Variants in AKAP13 observed in about 807,000 individuals in gnomAD.
AKAP13 encodes the protein A-kinase anchoring protein 13.
A neutral mutation model predicts 264.5 loss-of-function variants in AKAP13; 80 were observed. The observed-to-expected ratio is 0.30, with a 90% CI of 0.25 to 0.36. The LOEUF (loss-of-function observed/expected upper bound fraction) is 0.36. Ranked by LOEUF, AKAP13 falls within the 10% of genes least tolerant of loss-of-function variation. The pLI is 1.00. For synonymous variants in AKAP13, 1,380 were observed against 1,250.2 expected (o/e 1.10, Z -2.19); for missense variants, 3,712 against 3,435.2 (o/e 1.08, Z -2.01).
At chr15:85,737,802 T>C (rs913395557) in intron 33 of AKAP13, among the ~76,000 whole-genome samples, 2 of 152,062 alleles carry the variant, frequency 1.3e-5, no homozygotes, top group East Asian at 3.9e-4. Context: ...CATACCTGGC[T>C]AATTTTTTTG....
At chr15:85,710,994 G>T (rs2086603733) in intron 19 of AKAP13, among the ~76,000 whole-genome samples, 1 of 149,508 alleles carries the variant, frequency 6.7e-6, no homozygotes, top group Admixed American at 6.8e-5. Context: ...AATCAAATGA[G>T]ATCTGGCTTG....
At chr15:85,457,392 A>G (rs1567066665) in intron 1 of AKAP13, among the ~76,000 whole-genome samples, 1 of 152,200 alleles carries the variant, frequency 6.6e-6, no homozygotes, top group Non-Finnish European at 1.5e-5. Flanking sequence ...TCTTTTTTAA[A>G]GGGTGAAGGA....
At chr15:85,660,402 C>A (rs990767000) in intron 12 of AKAP13, among the ~76,000 whole-genome samples, 2 of 140,918 alleles carry the variant, frequency 1.4e-5, no homozygotes, top group Admixed American at 7.2e-5. Context: ...GTCTTCCTAT[C>A]TCCCTATTGT....
chr15:85,621,212 C>T lies in AKAP13; in HGVS notation c.4162-18162C>T, dbSNP rs1017001990. ...TAAGGAATGGGCTCAGAAGGCTAGA[C>T]ACAAAAACCAATGAAATGCCATGTT... is the stretch of plus-strand genomic sequence containing the variant. On this transcript the variant is annotated intron_variant, in intron 8 of 36. Transcript: ENST00000394518. 2.6e-5 allele frequency: 4 copies of T among 152,294 alleles called. No individual in the cohort carries two copies. In the South Asian group the frequency reaches 8.3e-4, roughly 32 times the overall value. 9.4% of individuals were successfully genotyped at this position (152,294 alleles called of 1,614,324 possible).
intron 34 of AKAP13, 82 bp downstream of exon 34, chr15:85,740,354 G>T: frequency 1.3e-6 from 2 of 1,527,590 alleles, no homozygotes; most frequent in South Asian, 2.3e-5. Context: ...GGATCTTTGA[G>T]GTTTGCAGGA....
chr15:85,401,062 A>G lies in AKAP13; in HGVS notation c.-12+20264A>G, dbSNP rs1224129808. On this transcript the variant is annotated intron_variant, in intron 1 of 36. Coordinates refer to ENST00000394518, the MANE Select transcript of AKAP13 (RefSeq NM_007200.5). ...TTTTTATTGGAGATTGGGTTTTACCATGTTCGTCAAGCTGATCTCAAACTC... is the reference window on the plus strand; with the variant it reads ...TTTTTATTGGAGATTGGGTTTTACCGTGTTCGTCAAGCTGATCTCAAACTC... 3.3e-5 allele frequency among the ~76,000 whole-genome samples: 5 copies of G among 151,724 alleles called. No homozygotes were observed. In the East Asian group the frequency reaches 7.7e-4, roughly 23 times the overall value.
Position 85,730,719 on chromosome 15 carries a change from T to A in AKAP13, c.7282+12T>A. On this transcript the variant is annotated intron_variant, in intron 30 of 36. Coordinates refer to ENST00000394518, the MANE Select transcript of AKAP13 (RefSeq NM_007200.5). ...TGCAATAAATGAGGGTAATTAACAT[T>A]CAGCATTGCCCCCTCTTCATCTACT... is the stretch of plus-strand genomic sequence containing the variant. The A allele has an allele frequency of 6.2e-7, 1 of 1,605,670 alleles. No homozygotes were observed. The highest frequency in any genetic ancestry group is 8.5e-7 in the Non-Finnish European group (1 of 1,173,656).
At chr15:85,640,933 C>T (rs2082279927) in intron 9 of AKAP13, among the ~76,000 whole-genome samples, 1 of 152,002 alleles carries the variant, frequency 6.6e-6, no homozygotes, top group Non-Finnish European at 1.5e-5. Context: ...TACTGTACAC[C>T]CTAACCCCAA....
intron 1 of AKAP13, among the ~76,000 whole-genome samples, chr15:85,469,867 TGTA>T (rs758051476): frequency 6.6e-6 from 1 of 152,220 alleles, no homozygotes. Flanking sequence ...AGCAGAGAAT[TGTA>T]GTATTTAAAG....
Position 85,380,628 on chromosome 15 carries a change from A to C in AKAP13, c.-182A>C, listed in dbSNP as rs1402390250. 7.1e-6 allele frequency: 1 copy of C among 140,802 alleles called. No homozygotes were observed. The highest frequency in any genetic ancestry group is 2.6e-5 in the African/African-American group (1 of 38,668). 8.7% of individuals were successfully genotyped at this position (140,802 alleles called of 1,614,324 possible). A position where few individuals can be genotyped will look rare whatever the true frequency, so the allele number is the denominator to read the frequency against. On this transcript the variant is annotated 5_prime_UTR_variant, in exon 1 of 37. Coordinates refer to ENST00000394518, the MANE Select transcript of AKAP13 (RefSeq NM_007200.5). ...GTGTGCAGGGCCAGCGCGGAGCCCG[A>C]GCAGCCGCGGTGAAGCGCCTGTGCT...
At chr15:85,504,694 CAAAAAAAAAAA>C (rs60149423) in intron 2 of AKAP13, among the ~76,000 whole-genome samples, 1 of 105,746 alleles carries the variant, frequency 9.5e-6, no homozygotes, top group African/African-American at 4.7e-5. Flanking sequence ...ACCCTGTCTC[CAAAAAAAAAAA>C]AAAAAAAAAA....
Position 85,662,610 on chromosome 15 carries a change from A to G in AKAP13, c.4800-1953A>G, listed in dbSNP as rs145181482. 4.8e-3 allele frequency among the ~76,000 whole-genome samples: 725 copies of G among 152,342 alleles called. 4 individuals carry two copies. Among genetic ancestry groups the G allele is most frequent in the South Asian group, 0.021 (100 of 4,826 alleles). On this transcript the variant is annotated intron_variant, in intron 12 of 36. Coordinates refer to ENST00000394518, the MANE Select transcript of AKAP13 (RefSeq NM_007200.5). ...TTTCATTGCCTTTGCTATGGGTGTC[A>G]CTAACTCAGCTGAAGGGATGCAGCC...
chr15:85,663,477 C>A (rs970707828), intron 12 of AKAP13, among the ~76,000 whole-genome samples: 1 of 151,884 alleles, frequency 6.6e-6, no homozygotes, highest in Non-Finnish European at 1.5e-5. Flanking sequence ...TTTACAAAAC[C>A]AAAATAAATA....
chr15:85,443,901 T>C (rs1372326687), intron 1 of AKAP13, among the ~76,000 whole-genome samples: 5 of 152,186 alleles, frequency 3.3e-5, no homozygotes, highest in African/African-American at 1.2e-4. Flanking sequence ...ATGTGCTCAC[T>C]TCATCAAATG....
chr15:85,496,364 C>T lies in AKAP13; in HGVS notation c.33+10611C>T, dbSNP rs191646096. 7.9e-5 allele frequency among the ~76,000 whole-genome samples: 12 copies of T among 152,200 alleles called. No individual in the cohort carries two copies. In the East Asian group the frequency reaches 2.1e-3, roughly 27 times the overall value. On this transcript the variant is annotated intron_variant, in intron 2 of 36. Coordinates refer to ENST00000394518, the MANE Select transcript of AKAP13 (RefSeq NM_007200.5). The stretch of plus-strand genomic sequence containing the variant: ...CCTCCGTGAAGACTTGGACTTTGCG[C>T]GTAGATTAACTTGCTTCTCTGTTTA...
intron 1 of AKAP13, among the ~76,000 whole-genome samples, chr15:85,386,125 TTCTTG>T (rs2070547548): frequency 6.6e-6 from 1 of 151,596 alleles, no homozygotes; most frequent in African/African-American, 2.4e-5. Flanking sequence ...GTGTCTGGCC[TTCTTG>T]TCTTAATAAT....
intron 8 of AKAP13, among the ~76,000 whole-genome samples, chr15:85,591,834 A>G (rs74025627): frequency 0.019 from 2,944 of 152,270 alleles, 100 homozygotes; most frequent in African/African-American, 0.068. Flanking sequence ...TGCTCTTTGC[A>G]TAAGCTTATT....
At chr15:85,639,471 AT>A in intron 9 of AKAP13, 22 bp downstream of exon 9, 1 of 1,584,576 alleles carries the variant, frequency 6.3e-7, no homozygotes, top group Non-Finnish European at 8.7e-7. Flanking sequence ...TTATCCATTC[AT>A]TTTCTGGAGC....
chr15:85,420,971 T>G (rs2072494330), intron 1 of AKAP13, among the ~76,000 whole-genome samples: 1 of 152,162 alleles, frequency 6.6e-6, no homozygotes, highest in Non-Finnish European at 1.5e-5. Flanking sequence ...CATTCCTAGT[T>G]ATAGATTAGG....
Sources: allele counts gnomAD v4.1 joint callset (sites outside exome capture counted in the v4.1 genomes callset), GRCh38; gene constraint gnomAD v4.1.1; transcripts MANE v1.5; gene names NCBI Gene and HGNC (gene_info 2026-07-23, HGNC 2026-07-21).